YTHDF1: variants seen among roughly 807,000 people sequenced by gnomAD.
YTHDF1 encodes YTH N6-methyladenosine RNA binding protein F1.
A neutral mutation model predicts 49.1 loss-of-function variants in YTHDF1; 16 were observed. The observed-to-expected ratio is 0.33, with a 90% CI of 0.22 to 0.49. YTHDF1 has a LOEUF of 0.49. YTHDF1 is among the 20% of genes least tolerant of loss of function. The pLI is 0.99. For missense variants in YTHDF1, 621 were observed against 744.3 expected, an observed-to-expected ratio of 0.83 and a Z score of 1.93; for synonymous variants, 313 against 290.1, an observed-to-expected ratio of 1.08 and a Z score of -0.80.
chr20:63,209,873 T>A (rs73919079), intron 3 of YTHDF1, among the ~76,000 whole-genome samples: 3 of 152,190 alleles, frequency 2.0e-5, no homozygotes, highest in Non-Finnish European at 2.9e-5. Flanking sequence ...GTCACACCAA[T>A]TGCCTTCTTC....
At chr20:63,211,678 G>A (rs1237310956) in intron 3 of YTHDF1, among the ~76,000 whole-genome samples, 5 of 151,798 alleles carry the variant, frequency 3.3e-5, no homozygotes, top group African/African-American at 1.2e-4. Flanking sequence ...TTTTGGCTGG[G>A]CACAGTGGCT....
At chr20:63,211,011 C>T (rs1338849912) in intron 3 of YTHDF1, among the ~76,000 whole-genome samples, 1 of 152,226 alleles carries the variant, frequency 6.6e-6, no homozygotes, top group South Asian at 2.1e-4. Flanking sequence ...CCCCACCACA[C>T]GGCAACAACC....
rs956546005 is a variant in YTHDF1 at position 63,207,848 on chromosome 20, G to A, written c.133-4041C>T. Among the ~76,000 whole-genome samples, 15 of 151,964 alleles carry A rather than the reference G, an allele frequency of 9.9e-5. 1 individual carries two copies. Among genetic ancestry groups the A allele is most frequent in the Admixed American group, 6.6e-4 (10 of 15,250 alleles). On this transcript the variant is annotated intron_variant, in intron 3 of 4. Transcript: ENST00000370339. ...GGTTAAACCCCGTCTCTACTAAACC[G>A]GGTATGGTGGCAGGCACCTGTAGTC...
chr20:63,200,699 G>C (rs2066513366), intron 4 of YTHDF1, among the ~76,000 whole-genome samples: 1 of 152,152 alleles, frequency 6.6e-6, no homozygotes, highest in Non-Finnish European at 1.5e-5. Context: ...CAAGTTGTAG[G>C]ACACTAGAGT....
chr20:63,202,229 C>T lies in YTHDF1; in HGVS notation c.1653+58G>A, dbSNP rs2066520746. 4 of 1,553,854 alleles carry T rather than the reference C, an allele frequency of 2.6e-6. No homozygotes were observed. In the African/African-American group the frequency reaches 4.1e-5, roughly 16 times the overall value. The stretch of plus-strand genomic sequence containing the variant: ...TCTGCTCACCACCGGGCCACCTGGT[C>T]TAAGTACGGCACCAAGGACACATCT... On this transcript the variant is annotated intron_variant, in intron 4 of 4. Transcript: ENST00000370339.
At chr20:63,207,681 G>A (rs2066553919) in intron 3 of YTHDF1, among the ~76,000 whole-genome samples, 1 of 152,044 alleles carries the variant, frequency 6.6e-6, no homozygotes, top group African/African-American at 2.4e-5. Context: ...TGCAGCCCCT[G>A]CGGAGAACTG....
rs573056522 is a variant in YTHDF1, at chr20:63,196,487, G to A, written c.*221C>T. On this transcript the variant is annotated 3_prime_UTR_variant, in exon 5 of 5. Coordinates refer to ENST00000370339, the MANE Select transcript of YTHDF1 (RefSeq NM_017798.4). ...ATTAGATCAGTCTGATTGATAAGCT[G>A]ACAAAAAAAATACTCCTTTATTAGT... is the stretch of plus-strand genomic sequence containing the variant. The A allele has an allele frequency of 2.2e-6, 1 of 458,542 alleles. No individual in the cohort carries two copies. Among genetic ancestry groups the A allele is most frequent in the Admixed American group, 4.1e-5 (1 of 24,682 alleles). The allele number at this position is 458,542 out of a possible 1,614,324, so 28.4% of individuals were successfully genotyped here. A position where few individuals can be genotyped will look rare whatever the true frequency, so the allele number is the denominator to read the frequency against.
chr20:63,198,781 G>A (rs3787511), intron 4 of YTHDF1, among the ~76,000 whole-genome samples: 45,734 of 152,116 alleles, frequency 0.3, 6,837 homozygotes, highest in Middle Eastern at 0.42. Context: ...CCTGGAGGTC[G>A]AAGTGGGGTC....
chr20:63,202,167 TGCCTGTCACGAGACTCAGCTCG>T, intron 4 of YTHDF1, 98 bp downstream of exon 4: 1 of 1,365,022 alleles, frequency 7.3e-7, no homozygotes, highest in South Asian at 1.4e-5. Flanking sequence ...AACTGGGAGC[TGCCTGTCACGAGACTCAGCTCG>T]GCGGACCTGC....
chr20:63,211,817 T>C (rs975362012), intron 3 of YTHDF1, among the ~76,000 whole-genome samples: 13 of 151,880 alleles, frequency 8.6e-5, no homozygotes, highest in African/African-American at 2.9e-4. Flanking sequence ...AATCACCAGG[T>C]GTAGTGGTGC....
Position 63,203,935 on chromosome 20 carries a change from G to T in YTHDF1, c.133-128C>A, listed in dbSNP as rs2066532481. On this transcript the variant is annotated intron_variant, in intron 3 of 4. Transcript: ENST00000370339. The surrounding 1 kb of genome is among the most constrained non-coding windows in gnomAD (Gnocchi z 4.4). The stretch of plus-strand genomic sequence containing the variant: ...GCACAGCATGGGGCTACTCCTTCCA[G>T]AAAGAAAGCTGTAGTCGCCAATGTG... 9.4e-6 allele frequency: 8 copies of T among 855,196 alleles called. No individual in the cohort carries two copies. Among genetic ancestry groups the T allele is most frequent in the Non-Finnish European group, 1.4e-5 (8 of 574,256 alleles). The allele number at this position is 855,196 out of a possible 1,614,324, so 53.0% of individuals were successfully genotyped here. A position where few individuals can be genotyped will look rare whatever the true frequency, so the allele number is the denominator to read the frequency against.
Position 63,203,461 on chromosome 20 carries a change from C to T in YTHDF1, c.479G>A (p.Gly160Asp), listed in dbSNP as rs757796415. Reference protein sequence around the residue: ...SYTYPPSSLGGTVVDGQPGFH... With the variant: ...SYTYPPSSLGDTVVDGQPGFH... ...GCCTGGCTGCCCATCAACCACCGTGCCACCCAGGGAGCTCGGGGGGTAGGT... is the reference window on the plus strand; with the variant it reads ...GCCTGGCTGCCCATCAACCACCGTGTCACCCAGGGAGCTCGGGGGGTAGGT... The change falls in exon 4 of 5, where the codon GGC becomes GAC. Residue 160 changes from glycine to aspartate, a missense_variant. Physicochemically the swap from Gly to Asp is moderately conservative, Grantham distance 94. Transcript: ENST00000370339. The surrounding 1 kb of genome is among the most constrained non-coding windows in gnomAD (Gnocchi z 4.4). 3.3e-5 allele frequency: 53 copies of T among 1,612,820 alleles called. No homozygotes were observed. The Admixed American group carries it at 4.8e-4, about 15-fold the overall frequency.
chr20:63,210,703 A>G (rs2122989613), intron 3 of YTHDF1, among the ~76,000 whole-genome samples: 1 of 152,170 alleles, frequency 6.6e-6, no homozygotes, highest in South Asian at 2.1e-4. Flanking sequence ...CAGGAGAATC[A>G]CTTGAGCCAG....
intron 2 of YTHDF1, 146 bp downstream of exon 2, chr20:63,215,431 C>A: frequency 9.2e-7 from 1 of 1,090,484 alleles, no homozygotes; most frequent in Non-Finnish European, 1.3e-6. Context: ...TCAAATCTCC[C>A]AGAATCGTCG....
At chr20:63,207,244 G>A (rs568783417) in intron 3 of YTHDF1, among the ~76,000 whole-genome samples, 60 of 152,234 alleles carry the variant, frequency 3.9e-4, no homozygotes, top group African/African-American at 1.3e-3. Context: ...TGAGGTGGAC[G>A]GATCACAAGG....
rs1202289415 is a variant in YTHDF1, at chr20:63,216,120, G to GGCGGCGGCGACA, written c.-229_-228insTGTCGCCGCCGC. 3.5e-5 allele frequency: 6 copies of GGCGGCGGCGACA among 172,912 alleles called. No homozygotes were observed. Among genetic ancestry groups the GGCGGCGGCGACA allele is most frequent in the Admixed American group, 1.3e-4 (2 of 15,104 alleles). The allele number at this position is 172,912 out of a possible 1,614,324, so 10.7% of individuals were successfully genotyped here. ...AGGAGGCGTCGACTCCAATGGCGGC[G>GGCGGCGGCGACA]GCGGCGGCGACAGCAGCGGCGACGG... On this transcript the variant is annotated 5_prime_UTR_variant, in exon 1 of 5. Coordinates refer to ENST00000370339, the MANE Select transcript of YTHDF1 (RefSeq NM_017798.4).
rs117148033 is a variant in YTHDF1 at position 63,209,688 on chromosome 20, G to C, written c.132+4176C>G. ...TGAGTCATGACTGCACTTCCGCCCAGGTGAGGGAGAGACCCTGCCTCAAAA... is the reference window on the plus strand; with the variant it reads ...TGAGTCATGACTGCACTTCCGCCCACGTGAGGGAGAGACCCTGCCTCAAAA... On this transcript the variant is annotated intron_variant, in intron 3 of 4. Coordinates refer to ENST00000370339, the MANE Select transcript of YTHDF1 (RefSeq NM_017798.4). 3.0e-3 allele frequency among the ~76,000 whole-genome samples: 464 copies of C among 152,212 alleles called. 2 individuals are homozygous for C. The highest frequency in any genetic ancestry group is 5.3e-3 in the Non-Finnish European group (359 of 68,020).
chr20:63,199,144 G>A (rs2066505960), intron 4 of YTHDF1, among the ~76,000 whole-genome samples: 1 of 152,246 alleles, frequency 6.6e-6, no homozygotes, highest in Non-Finnish European at 1.5e-5. Flanking sequence ...GAAGTCCTGA[G>A]AGAACCTTGA....
chr20:63,208,427 T>C (rs541484135), intron 3 of YTHDF1, among the ~76,000 whole-genome samples: 42 of 152,240 alleles, frequency 2.8e-4, no homozygotes, highest in Non-Finnish European at 4.6e-4. Flanking sequence ...GAGAAAATGT[T>C]AGAGGAAAAT....
Sources: gnomAD v4.1 joint callset for allele counts (sites outside exome capture counted in the v4.1 genomes callset) on GRCh38, gnomAD v4.1.1 for gene constraint, Gnocchi (gnomAD v3.1) non-coding constraint, MANE v1.5 for transcripts, NCBI Gene and HGNC (gene_info 2026-07-23, HGNC 2026-07-21) for gene names.